The following AGAP1 variants were observed in gnomAD, a reference collection of about 807,000 sequenced individuals.
The protein encoded by AGAP1 is ArfGAP with GTPase domain, ankyrin repeat and PH domain 1.
In AGAP1, 29 loss-of-function variants were observed where a neutral mutation model predicts 105.3. That is an observed-to-expected ratio of 0.28 (90% CI 0.21 to 0.38). The LOEUF (loss-of-function observed/expected upper bound fraction) is 0.38. AGAP1 is among the 10% of genes least tolerant of loss of function. The probability of loss-of-function intolerance (pLI) is 1.00; values close to 1 mark genes in which losing one functional copy is unlikely to be tolerated. For synonymous variants in AGAP1, 509 were observed against 485.9 expected, an observed-to-expected ratio of 1.05 and a Z score of -0.63; for missense variants, 998 against 1,165.1, an observed-to-expected ratio of 0.86 and a Z score of 2.09.
intron 1 of AGAP1, among the ~76,000 whole-genome samples, chr2:235,506,119 T>C (rs967965107): frequency 6.6e-6 from 1 of 151,834 alleles, no homozygotes; most frequent in Non-Finnish European, 1.5e-5. Flanking sequence ...TTAGTAGAGA[T>C]AGGGTTTCAC....
At chr2:235,643,585 CAGAA>C (rs912089340) in intron 1 of AGAP1, among the ~76,000 whole-genome samples, 13 of 151,692 alleles carry the variant, frequency 8.6e-5, no homozygotes, top group Non-Finnish European at 1.2e-4. Flanking sequence ...CTTGGTTTGA[CAGAA>C]AGGGATAGAT....
intron 9 of AGAP1, among the ~76,000 whole-genome samples, chr2:235,816,902 A>T (rs1958491549): frequency 6.6e-6 from 1 of 152,022 alleles, no homozygotes; most frequent in Middle Eastern, 3.4e-3. Flanking sequence ...AAAAAAAGAT[A>T]TCTACCAAGA....
At chr2:235,686,621 A>G (rs1285053476) in intron 1 of AGAP1, among the ~76,000 whole-genome samples, 26 of 23,112 alleles carry the variant, frequency 1.1e-3, no homozygotes, top group African/African-American at 3.8e-3. Flanking sequence ...GGAGATATAG[A>G]TATATATATA....
rs549927530 is a variant in AGAP1, at chr2:235,513,241, C to T, written c.163+18392C>T. ...TGGGTTAAAATGCAGATCACTGTGC[C>T]GGGCGCGGGTGGCTCATGCCTGTAA... On this transcript the variant is annotated intron_variant, in intron 1 of 17. Transcript: ENST00000304032. Among the ~76,000 whole-genome samples, 117 of 17,590 alleles carry T rather than the reference C, an allele frequency of 6.7e-3. 1 individual carries two copies. Among genetic ancestry groups the T allele is most frequent in the African/African-American group, 0.028 (112 of 4,004 alleles). 11.5% of individuals were successfully genotyped at this position (17,590 alleles called of 152,430 possible). A position where few individuals can be genotyped will look rare whatever the true frequency, so the allele number is the denominator to read the frequency against.
At chr2:235,800,550 A>C (rs1320945859) in intron 8 of AGAP1, among the ~76,000 whole-genome samples, 2 of 152,080 alleles carry the variant, frequency 1.3e-5, no homozygotes, top group African/African-American at 4.8e-5. Context: ...TGAGCCGCAA[A>C]CTCCAGGCAC....
chr2:235,685,012 A>G (rs1008719779), intron 1 of AGAP1, among the ~76,000 whole-genome samples: 3 of 152,044 alleles, frequency 2.0e-5, no homozygotes, highest in Admixed American at 6.5e-5. Flanking sequence ...TCCCTGTGGC[A>G]GGACCCCCAG....
In AGAP1 at chr2:235,633,946, G is replaced by A. The variant is rs1020366706; in HGVS notation, c.164-75233G>A. Among the ~76,000 whole-genome samples, 2 of 152,140 alleles carry A rather than the reference G, an allele frequency of 1.3e-5. No homozygotes were observed. Among genetic ancestry groups the A allele is most frequent in the Admixed American group, 1.3e-4 (2 of 15,268 alleles). On this transcript the variant is annotated intron_variant, in intron 1 of 17. Transcript: ENST00000304032. This position sits in a 1 kb window ranked among gnomAD's most constrained non-coding sequence, Gnocchi z 4.8. ...GAGAAACTTGGCTGCATCTGAGGGTGGCCTTTACTTTGGGGTATCAGTTTT... is the reference window on the plus strand; with the variant it reads ...GAGAAACTTGGCTGCATCTGAGGGTAGCCTTTACTTTGGGGTATCAGTTTT...
In AGAP1 at chr2:236,040,722, C is replaced by T. The variant is rs1042065666; in HGVS notation, c.1801-29C>T. ...TGCGTTTCTCCCGGGGTGCTTACGC[C>T]TTGTATTTGTGTCTTCCTCCGTGCC... is the stretch of plus-strand genomic sequence containing the variant. On this transcript the variant is annotated intron_variant, in intron 14 of 17. Transcript: ENST00000304032. This position sits in a 1 kb window ranked among gnomAD's most constrained non-coding sequence, Gnocchi z 5.6. The T allele has an allele frequency of 6.2e-7, 1 of 1,611,400 alleles. No individual in the cohort carries two copies. The highest frequency in any genetic ancestry group is 2.1e-4 in the Middle Eastern group (1 of 4,726).
chr2:235,631,483 G>A lies in AGAP1; in HGVS notation c.164-77696G>A, dbSNP rs890378553. Among the ~76,000 whole-genome samples the A allele has an allele frequency of 2.6e-5, 4 of 152,308 alleles. No individual in the cohort carries two copies. The East Asian group carries it at 5.8e-4, about 22-fold the overall frequency. On this transcript the variant is annotated intron_variant, in intron 1 of 17. Coordinates refer to ENST00000304032, the MANE Select transcript of AGAP1 (RefSeq NM_001037131.3). This position sits in a 1 kb window ranked among gnomAD's most constrained non-coding sequence, Gnocchi z 5.4. Reference sequence around the variant, plus strand: ...TTTCTGGGTCCCAGGACCGGACTGCGTGGTCCTGGTTATACCTGCTGGTCA... The same window carrying A: ...TTTCTGGGTCCCAGGACCGGACTGCATGGTCCTGGTTATACCTGCTGGTCA...
rs764126003 is a variant in AGAP1, at chr2:235,788,660, G to T, written c.674-9099G>T. ...ACTGACTGGTGGGCGTCCTGTTGGTGCATGGGGCAGACTGAAGCCTGAGAC... is the reference window on the plus strand; with the variant it reads ...ACTGACTGGTGGGCGTCCTGTTGGTTCATGGGGCAGACTGAAGCCTGAGAC... On this transcript the variant is annotated intron_variant, in intron 6 of 17. Coordinates refer to ENST00000304032, the MANE Select transcript of AGAP1 (RefSeq NM_001037131.3). The surrounding 1 kb of genome is among the most constrained non-coding windows in gnomAD (Gnocchi z 6.0). Among the ~76,000 whole-genome samples, 5 of 152,150 alleles carry T rather than the reference G, an allele frequency of 3.3e-5. No homozygotes were observed. Among genetic ancestry groups the T allele is most frequent in the Non-Finnish European group, 7.4e-5 (5 of 68,026 alleles).
rs1174495970 is a variant in AGAP1, at chr2:236,009,923, A to C, written c.1646-26638A>C. ...TCAGGAGGAGACCAGAGGTGACATT[A>C]ATAAGCCTGTGGTTTCCTGGTACAA... is the stretch of plus-strand genomic sequence containing the variant. On this transcript the variant is annotated intron_variant, in intron 13 of 17. Transcript: ENST00000304032. This position sits in a 1 kb window ranked among gnomAD's most constrained non-coding sequence, Gnocchi z 4.2. 2.6e-5 allele frequency among the ~76,000 whole-genome samples: 4 copies of C among 152,158 alleles called. No homozygotes were observed. The highest frequency in any genetic ancestry group is 9.7e-5 in the African/African-American group (4 of 41,428).
rs763109211 is a variant in AGAP1, at chr2:235,689,024, G to A, written c.164-20155G>A. 7.3e-5 allele frequency among the ~76,000 whole-genome samples: 11 copies of A among 151,722 alleles called. No homozygotes were observed. Among genetic ancestry groups the A allele is most frequent in the Admixed American group, 3.9e-4 (6 of 15,190 alleles). ...AGCGATTCCAGCAACAACCCTGTGC[G>A]GTAGATTATTGTCCCATAAATCTAT... On this transcript the variant is annotated intron_variant, in intron 1 of 17. Transcript: ENST00000304032. The surrounding 1 kb of genome is among the most constrained non-coding windows in gnomAD (Gnocchi z 4.2).
At chr2:235,516,028 G>T (rs917895058) in intron 1 of AGAP1, among the ~76,000 whole-genome samples, 1 of 146,030 alleles carries the variant, frequency 6.8e-6, no homozygotes, top group African/African-American at 2.7e-5. Context: ...CTCAGGTATG[G>T]GCTCCTGTTC....
chr2:235,887,980 G>A lies in AGAP1; in HGVS notation c.1155+4531G>A, dbSNP rs1449410708. On this transcript the variant is annotated intron_variant, in intron 10 of 17. Transcript: ENST00000304032. The surrounding 1 kb of genome is among the most constrained non-coding windows in gnomAD (Gnocchi z 4.1). ...GGCAGCGCTTGCTCGTGGTGGTGAG[G>A]CCTCTCCCTTCCGGCACAGACATTT... Among the ~76,000 whole-genome samples, 1 of 152,188 alleles carries A rather than the reference G, an allele frequency of 6.6e-6. No homozygotes were observed. The highest frequency in any genetic ancestry group is 1.5e-5 in the Non-Finnish European group (1 of 68,042).
At chr2:235,671,006 G>C in intron 1 of AGAP1, 1 of 1,323,360 alleles carries the variant, frequency 7.6e-7, no homozygotes, top group Non-Finnish European at 9.6e-7. Context: ...GCGGGCCCCG[G>C]CCGAAGCGCA....
chr2:235,772,565 C>T (rs1158099082), intron 6 of AGAP1, among the ~76,000 whole-genome samples: 23 of 152,210 alleles, frequency 1.5e-4, no homozygotes, highest in Admixed American at 1.5e-3. Flanking sequence ...ATTCATGGTG[C>T]TTCAGCATCT....
chr2:236,025,628 C>A (rs1283250860), intron 13 of AGAP1, among the ~76,000 whole-genome samples: 2 of 152,134 alleles, frequency 1.3e-5, no homozygotes, highest in Non-Finnish European at 2.9e-5. Flanking sequence ...TTGAGATTTG[C>A]TAGGTGTTGA....
At position 235,555,657 on chromosome 2, in the gene AGAP1, A is replaced by G. The variant is rs1943950600; in HGVS notation, c.163+60808A>G. Among the ~76,000 whole-genome samples, 1 of 152,194 alleles carries G rather than the reference A, an allele frequency of 6.6e-6. No individual in the cohort carries two copies. The highest frequency in any genetic ancestry group is 2.4e-5 in the African/African-American group (1 of 41,458). ...CATCAGATTCCTTTTGGCAGAATAT[A>G]AGGAAGTTGGCCCAAACCACATTTT... On this transcript the variant is annotated intron_variant, in intron 1 of 17. Transcript: ENST00000304032. This position sits in a 1 kb window ranked among gnomAD's most constrained non-coding sequence, Gnocchi z 5.1.
In AGAP1 at chr2:235,740,861, C is replaced by A; in HGVS notation, c.311-102C>A. 1 of 1,384,474 alleles carries A rather than the reference C, an allele frequency of 7.2e-7. No homozygotes were observed. Among genetic ancestry groups the A allele is most frequent in the Non-Finnish European group, 1.0e-6 (1 of 995,054 alleles). The allele number at this position is 1,384,474 out of a possible 1,614,324, so 85.8% of individuals were successfully genotyped here. A position where few individuals can be genotyped will look rare whatever the true frequency, so the allele number is the denominator to read the frequency against. On this transcript the variant is annotated intron_variant, in intron 3 of 17. Coordinates refer to ENST00000304032, the MANE Select transcript of AGAP1 (RefSeq NM_001037131.3). The surrounding 1 kb of genome is among the most constrained non-coding windows in gnomAD (Gnocchi z 5.7). Reference sequence around the variant, plus strand: ...CCTAAATACTCAGTTGCCTCCAGGGCGACAGCCTAGGGTGTATTTTTCCAC... The same window carrying A: ...CCTAAATACTCAGTTGCCTCCAGGGAGACAGCCTAGGGTGTATTTTTCCAC...
Sources: gnomAD v4.1 joint callset for allele counts (sites outside exome capture counted in the v4.1 genomes callset) on GRCh38, gnomAD v4.1.1 for gene constraint, Gnocchi (gnomAD v3.1) non-coding constraint, MANE v1.5 for transcripts, NCBI Gene and HGNC (gene_info 2026-07-23, HGNC 2026-07-21) for gene names.